RBFOX1: variants seen among roughly 807,000 people sequenced by gnomAD.
RBFOX1 encodes RNA binding fox-1 homolog 1.
RBFOX1 carries 8 observed loss-of-function variants against 57.7 expected under a neutral mutation model. That is an observed-to-expected ratio of 0.14 (90% CI 0.08 to 0.25). The LOEUF (loss-of-function observed/expected upper bound fraction) is 0.25. RBFOX1 is among the 10% of genes least tolerant of loss of function. The pLI, the probability that RBFOX1 is intolerant of heterozygous loss-of-function variation, is 1.00. For missense variants in RBFOX1, 611 were observed against 548.5 expected, an observed-to-expected ratio of 1.11 and a Z score of -1.14; for synonymous variants, 326 against 222.4, an observed-to-expected ratio of 1.47 and a Z score of -4.15.
intron 2 of RBFOX1, among the ~76,000 whole-genome samples, chr16:6,451,556 G>C (rs1254586202): frequency 6.6e-6 from 1 of 152,146 alleles, no homozygotes; most frequent in African/African-American, 2.4e-5. Flanking sequence ...GATCTGATGT[G>C]TGTTTTGTAG....
At chr16:6,486,499 C>G (rs778290210) in intron 2 of RBFOX1, among the ~76,000 whole-genome samples, 1 of 152,032 alleles carries the variant, frequency 6.6e-6, no homozygotes, top group Non-Finnish European at 1.5e-5. Context: ...CTTCACGTGT[C>G]TTAGTCTCAA....
At chr16:5,944,087 C>T (rs1408809004) in intron 4 of RBFOX1, among the ~76,000 whole-genome samples, 1 of 152,150 alleles carries the variant, frequency 6.6e-6, no homozygotes, top group Non-Finnish European at 1.5e-5. Flanking sequence ...ATACATAGAG[C>T]ATCAATTCCA....
chr16:6,474,146 G>A (rs1226946526), intron 2 of RBFOX1, among the ~76,000 whole-genome samples: 11 of 151,976 alleles, frequency 7.2e-5, no homozygotes, highest in Non-Finnish European at 1.5e-4. Context: ...TTGATGGGAG[G>A]GAAAATTAAA....
intron 3 of RBFOX1, among the ~76,000 whole-genome samples, chr16:6,890,120 A>G (rs563772334): frequency 6.6e-6 from 1 of 152,382 alleles, no homozygotes; most frequent in Admixed American, 6.5e-5. Flanking sequence ...AAAATAAATA[A>G]TATAGGTGGT....
chr16:6,908,271 C>T (rs1029476079), intron 3 of RBFOX1, among the ~76,000 whole-genome samples: 1 of 151,738 alleles, frequency 6.6e-6, no homozygotes, highest in Non-Finnish European at 1.5e-5. Flanking sequence ...GGTGTCCTCT[C>T]CTGCGGCTCT....
intron 4 of RBFOX1, among the ~76,000 whole-genome samples, chr16:7,384,094 T>G (rs959044812): frequency 1.3e-5 from 2 of 151,660 alleles, no homozygotes; most frequent in African/African-American, 4.8e-5. Flanking sequence ...GAAACATCAG[T>G]ATAAATAGTG....
chr16:7,163,642 T>C (rs2078853383), intron 4 of RBFOX1, among the ~76,000 whole-genome samples: 1 of 152,030 alleles, frequency 6.6e-6, no homozygotes, highest in South Asian at 2.1e-4. Flanking sequence ...ATTTATGTGT[T>C]TTTCTGTTTT....
chr16:7,076,997 G>C (rs570692099), intron 4 of RBFOX1, among the ~76,000 whole-genome samples: 100 of 152,316 alleles, frequency 6.6e-4, no homozygotes, highest in African/African-American at 2.2e-3. Context: ...GTACGCGAGA[G>C]AGGTGGGCAA....
intron 3 of RBFOX1, among the ~76,000 whole-genome samples, chr16:5,852,559 TG>T (rs2056923473): frequency 7.9e-5 from 12 of 152,170 alleles, no homozygotes; most frequent in Admixed American, 7.9e-4. Context: ...GTGGCACCTT[TG>T]GGCAAGGCAC....
intron 1 of RBFOX1, among the ~76,000 whole-genome samples, chr16:6,282,672 T>G (rs2076515144): frequency 6.6e-6 from 1 of 152,104 alleles, no homozygotes; most frequent in Admixed American, 6.6e-5. Flanking sequence ...TTGCTGAGAA[T>G]GATGGTTTCC....
At chr16:5,823,573 C>T (rs558165169) in intron 3 of RBFOX1, among the ~76,000 whole-genome samples, 1 of 152,140 alleles carries the variant, frequency 6.6e-6, no homozygotes, top group Non-Finnish European at 1.5e-5. Context: ...GAGTTGCAGG[C>T]AAGTAAGTGA....
chr16:6,056,428 C>T (rs533319546), intron 1 of RBFOX1, among the ~76,000 whole-genome samples: 2 of 152,186 alleles, frequency 1.3e-5, no homozygotes, highest in African/African-American at 2.4e-5. Flanking sequence ...CTTTCTTCCC[C>T]TACCCCTTTT....
At chr16:5,763,847 C>T (rs1248200810) in intron 3 of RBFOX1, among the ~76,000 whole-genome samples, 4 of 152,212 alleles carry the variant, frequency 2.6e-5, no homozygotes, top group Non-Finnish European at 4.4e-5. Context: ...AATGCGCTGG[C>T]TGTCTTAAGT....
intron 3 of RBFOX1, among the ~76,000 whole-genome samples, chr16:5,625,535 G>GTTATTTATTTATTTATTTAT (rs71404538): frequency 7.0e-6 from 1 of 143,068 alleles, no homozygotes; most frequent in African/African-American, 2.8e-5. Flanking sequence ...AATATTTTTT[G>GTTATTTATTTATTTATTTAT]TTATTTATTT....
At chr16:6,732,375 G>T (rs1001444918) in intron 3 of RBFOX1, among the ~76,000 whole-genome samples, 1 of 152,184 alleles carries the variant, frequency 6.6e-6, no homozygotes, top group African/African-American at 2.4e-5. Context: ...ATTCCTTGCT[G>T]GGAATCAGCT....
At chr16:7,217,292 CTT>C (rs71147672) in intron 4 of RBFOX1, among the ~76,000 whole-genome samples, 1 of 104,080 alleles carries the variant, frequency 9.6e-6, no homozygotes, top group Admixed American at 1.3e-4. Context: ...TCTTATTCTT[CTT>C]TTTTTTTTTT....
chr16:7,597,113 T>C (rs2094742901), intron 8 of RBFOX1: 2 of 297,146 alleles, frequency 6.7e-6, no homozygotes, highest in Non-Finnish European at 1.2e-5. Context: ...TAATTTGCTT[T>C]TACTGTCCCT....
chr16:5,881,200 G>C (rs1408296642), intron 4 of RBFOX1, among the ~76,000 whole-genome samples: 1 of 152,144 alleles, frequency 6.6e-6, no homozygotes, highest in African/African-American at 2.4e-5. Context: ...TCTTGGCCCT[G>C]AACTGTCTTC....
At chr16:7,066,810 A>T (rs1423898288) in intron 4 of RBFOX1, among the ~76,000 whole-genome samples, 1 of 152,168 alleles carries the variant, frequency 6.6e-6, no homozygotes, top group South Asian at 2.1e-4. Context: ...GTTCAATAAG[A>T]GGAGCACTTG....
Sources: gnomAD v4.1 joint callset for allele counts (sites outside exome capture counted in the v4.1 genomes callset) on GRCh38, gnomAD v4.1.1 for gene constraint, MANE v1.5 for transcripts, NCBI Gene and HGNC (gene_info 2026-07-23, HGNC 2026-07-21) for gene names.